The following ZFHX3 variants were observed in gnomAD, a reference collection of about 807,000 sequenced individuals.
The protein encoded by ZFHX3 is zinc finger homeobox 3, also known as zinc finger homeobox protein 3.
In ZFHX3, 42 loss-of-function variants were observed where a neutral mutation model predicts 279.1. That is an observed-to-expected ratio of 0.15 (90% CI 0.12 to 0.19). The LOEUF (loss-of-function observed/expected upper bound fraction) is 0.19, where lower values mean the gene tolerates loss of function less well. Among genes scored for constraint, ZFHX3 ranks in the 10% least tolerant of loss-of-function variants. ZFHX3 has a pLI of 1.00. For synonymous variants in ZFHX3, 2,293 were observed against 1,957.8 expected, an observed-to-expected ratio of 1.17 and a Z score of -4.52; for missense variants, 4,981 against 4,754.0, an observed-to-expected ratio of 1.05 and a Z score of -1.40.
rs953995867 is a variant in ZFHX3 at position 73,750,269 on chromosome 16, G to A, written c.-1607-70029C>T. On this transcript the variant is annotated intron_variant, in intron 1 of 17. Coordinates refer to the ZFHX3 transcript ENST00000641206. The stretch of plus-strand genomic sequence containing the variant: ...AAAAACAGATCCTAAACCAAGCTCA[G>A]CAATGAGTGGAAATTGACAGAGTTG... 3.1e-4 allele frequency among the ~76,000 whole-genome samples: 47 copies of A among 152,184 alleles called. 1 individual carries two copies. Among genetic ancestry groups the A allele is most frequent in the Admixed American group, 2.9e-3 (45 of 15,278 alleles).
chr16:73,575,106 T>G (rs2051786286), intron 2 of ZFHX3, among the ~76,000 whole-genome samples: 1 of 152,204 alleles, frequency 6.6e-6, no homozygotes, highest in Non-Finnish European at 1.5e-5. Context: ...ACAGCTGCCT[T>G]CTTCCTATGT....
chr16:73,747,274 C>G (rs1320519657), intron 1 of ZFHX3, among the ~76,000 whole-genome samples: 1 of 152,136 alleles, frequency 6.6e-6, no homozygotes, highest in Non-Finnish European at 1.5e-5. Flanking sequence ...GTCCCAACCA[C>G]TTAGAAGGCT....
intron 3 of ZFHX3, among the ~76,000 whole-genome samples, chr16:73,374,140 G>A (rs1255173332): frequency 2.0e-5 from 3 of 152,110 alleles, no homozygotes; most frequent in African/African-American, 4.8e-5. Context: ...TGAGGGAGCC[G>A]GCGACAGGAA....
chr16:73,305,572 C>G (rs567367865), intron 4 of ZFHX3, among the ~76,000 whole-genome samples: 1 of 151,776 alleles, frequency 6.6e-6, no homozygotes, highest in South Asian at 2.1e-4. Flanking sequence ...CAGAAGCGAG[C>G]GCTCACATGG....
chr16:72,899,550 G>A (rs997136029), intron 3 of ZFHX3, among the ~76,000 whole-genome samples: 5 of 152,076 alleles, frequency 3.3e-5, no homozygotes, highest in African/African-American at 9.7e-5. Context: ...CTAATACACC[G>A]CCATATACAC....
At chr16:73,265,534 A>G (rs1305805413) in intron 4 of ZFHX3, among the ~76,000 whole-genome samples, 1 of 152,114 alleles carries the variant, frequency 6.6e-6, no homozygotes, top group Non-Finnish European at 1.5e-5. Context: ...ATAAGCTGAG[A>G]TGCATTGACC....
At chr16:73,536,973 C>T (rs999203416) in intron 2 of ZFHX3, among the ~76,000 whole-genome samples, 3 of 152,132 alleles carry the variant, frequency 2.0e-5, no homozygotes, top group Non-Finnish European at 4.4e-5. Flanking sequence ...CAGTGAGCAG[C>T]GGCCAATCCT....
At chr16:73,116,788 G>T (rs1239309616) in intron 7 of ZFHX3, among the ~76,000 whole-genome samples, 1 of 152,104 alleles carries the variant, frequency 6.6e-6, no homozygotes, top group Non-Finnish European at 1.5e-5. Flanking sequence ...CTGCAGGGCT[G>T]GAAAAACCAC....
rs753383707 is a variant in ZFHX3, at chr16:72,958,136, T to C, written c.2010A>G (p.Thr670=). 2 of 1,613,972 alleles carry C rather than the reference T, an allele frequency of 1.2e-6. No homozygotes were observed. Among genetic ancestry groups the C allele is most frequent in the Admixed American group, 3.3e-5 (2 of 59,998 alleles). ...GCCAGTTGCACTTGGGGCACTTGAGTGTCTTACACGAGTTACGAGAATGCA... is the reference window on the plus strand; with the variant it reads ...GCCAGTTGCACTTGGGGCACTTGAGCGTCTTACACGAGTTACGAGAATGCA... ...TMMHSRNSCK[T]LKCPKCNWHY... is the part of the protein sequence containing the mutation. Residue 670 remains threonine, a synonymous_variant, in exon 2 of 10, where the codon ACA becomes ACG. Coordinates refer to ENST00000268489, the MANE Select transcript of ZFHX3 (RefSeq NM_006885.4).
intron 4 of ZFHX3, among the ~76,000 whole-genome samples, chr16:73,295,086 G>A (rs1282971682): frequency 6.6e-6 from 1 of 151,896 alleles, no homozygotes; most frequent in African/African-American, 2.4e-5. Context: ...ATGGTGGCAG[G>A]TGCCTGTAGT....
chr16:73,019,253 T>C (rs876015), intron 1 of ZFHX3, among the ~76,000 whole-genome samples: 2,750 of 152,274 alleles, frequency 0.018, 34 homozygotes, highest in African/African-American at 0.035. Flanking sequence ...TCCCACTTTA[T>C]AGTCTCAGGA....
intron 2 of ZFHX3, among the ~76,000 whole-genome samples, chr16:72,953,784 G>C (rs1278071999): frequency 5.3e-5 from 8 of 152,148 alleles, no homozygotes; most frequent in African/African-American, 1.4e-4. Flanking sequence ...ATGTTGCCCA[G>C]ACTGGTCTCA....
intron 1 of ZFHX3, among the ~76,000 whole-genome samples, chr16:73,734,741 A>G (rs933860605): frequency 5.3e-5 from 8 of 152,192 alleles, no homozygotes; most frequent in South Asian, 4.1e-4. Context: ...AATATTAAAA[A>G]TAACAAATTT....
At chr16:73,248,178 G>A (rs2013361467) in intron 5 of ZFHX3, among the ~76,000 whole-genome samples, 1 of 151,684 alleles carries the variant, frequency 6.6e-6, no homozygotes, top group Non-Finnish European at 1.5e-5. Flanking sequence ...GAGTGTGTGT[G>A]CGTACTGTGT....
chr16:73,771,723 C>A (rs982348722), intron 1 of ZFHX3, among the ~76,000 whole-genome samples: 2 of 151,956 alleles, frequency 1.3e-5, no homozygotes, highest in African/African-American at 4.8e-5. Flanking sequence ...CCCTAGAGAA[C>A]TCTGCTCACT....
intron 5 of ZFHX3, among the ~76,000 whole-genome samples, chr16:73,225,286 G>A (rs2012557892): frequency 6.6e-6 from 1 of 152,114 alleles, no homozygotes; most frequent in African/African-American, 2.4e-5. Context: ...TTATTATTCT[G>A]AACAGCCCTA....
intron 7 of ZFHX3, among the ~76,000 whole-genome samples, chr16:73,103,275 T>G (rs1352713592): frequency 6.6e-6 from 1 of 152,140 alleles, no homozygotes; most frequent in East Asian, 1.9e-4. Flanking sequence ...TGGATAAGGC[T>G]TAAAATCCTG....
chr16:73,016,790 G>T (rs764137884), intron 1 of ZFHX3, among the ~76,000 whole-genome samples: 2 of 151,932 alleles, frequency 1.3e-5, no homozygotes, highest in Non-Finnish European at 2.9e-5. Context: ...ATGTGGATTC[G>T]CACCCTGGTG....
chr16:72,960,370 C>A (rs1313362081), intron 1 of ZFHX3, among the ~76,000 whole-genome samples, 176 bp from the exon 2 acceptor site: 1 of 152,166 alleles, frequency 6.6e-6, no homozygotes, highest in Non-Finnish European at 1.5e-5. Context: ...CCACACGGTC[C>A]AGCACACAGG....
Sources: gnomAD v4.1 joint callset for allele counts (sites outside exome capture counted in the v4.1 genomes callset) on GRCh38, gnomAD v4.1.1 for gene constraint, MANE v1.5 for transcripts, NCBI Gene and HGNC (gene_info 2026-07-23, HGNC 2026-07-21) for gene names.